The following CAPG variants were observed in gnomAD, a reference collection of about 807,000 sequenced individuals.
The protein encoded by CAPG is capping actin protein, gelsolin like, also known as macrophage-capping protein.
A neutral mutation model predicts 44.6 loss-of-function variants in CAPG; 32 were observed. The observed-to-expected ratio is 0.72, with a 90% confidence interval of 0.54 to 0.96. CAPG has a LOEUF of 0.96. CAPG is among the 50% of genes least tolerant of loss of function. The pLI, the probability that CAPG is intolerant of heterozygous loss-of-function variation, is 0.00. For synonymous variants in CAPG, 175 were observed against 179.6 expected (o/e 0.97, Z 0.20); for missense variants, 412 against 438.3 (o/e 0.94, Z 0.54).
In CAPG at chr2:85,395,195, G is replaced by A. The variant is rs1558728053; in HGVS notation, c.982-237C>T. Among the ~76,000 whole-genome samples, 1 of 152,116 alleles carries A rather than the reference G, an allele frequency of 6.6e-6. No homozygotes were observed. The highest frequency in any genetic ancestry group is 1.5e-5 in the Non-Finnish European group (1 of 68,012). On this transcript the variant is annotated intron_variant, in intron 9 of 9. Transcript: ENST00000263867. This position sits in a 1 kb window ranked among gnomAD's most constrained non-coding sequence, Gnocchi z 4.3. ...GGCGTGGGTGCACAGTTTAATAAAT[G>A]CCACCAACGGTAGCTGAGCCCTGTC...
At chr2:85,416,694 A>G (rs1015104202) in intron 1 of CAPG, among the ~76,000 whole-genome samples, 6 of 152,058 alleles carry the variant, frequency 3.9e-5, no homozygotes, top group Non-Finnish European at 7.4e-5. Flanking sequence ...TTGTATTTTT[A>G]GTAGAGACAG....
Position 85,408,790 on chromosome 2 carries a change from A to G in CAPG, c.-14+1527T>C, listed in dbSNP as rs1253979222. ...ACAGAATCACAGATGTCAGCATTAGAAAGTGCTAAAGTTGAAGAGGGGAGC... is the reference window on the plus strand; with the variant it reads ...ACAGAATCACAGATGTCAGCATTAGGAAGTGCTAAAGTTGAAGAGGGGAGC... On this transcript the variant is annotated intron_variant, in intron 1 of 9. Coordinates refer to ENST00000263867, the MANE Select transcript of CAPG (RefSeq NM_001747.4). 4 of 152,234 alleles carry G rather than the reference A, an allele frequency of 2.6e-5. No individual in the cohort carries two copies. The East Asian group carries it at 7.7e-4, about 29-fold the overall frequency. 9.4% of individuals were successfully genotyped at this position (152,234 alleles called of 1,614,324 possible). A position where few individuals can be genotyped will look rare whatever the true frequency, so the allele number is the denominator to read the frequency against.
upstream of CAPG, chr2:85,413,378 G>C (rs913567174): frequency 1.3e-5 from 2 of 152,198 alleles, no homozygotes; most frequent in Non-Finnish European, 2.9e-5. Context: ...TCAGAAGTTC[G>C]AGACCAGCCT....
At chr2:85,410,942 C>T (rs1354583405), upstream of CAPG, among the ~76,000 whole-genome samples, 1 of 151,740 alleles carries the variant, frequency 6.6e-6, no homozygotes, top group East Asian at 1.9e-4. Context: ...CTAACCGCAG[C>T]CTTGAACTCC....
At chr2:85,392,804 G>A (rs1686433664), downstream of CAPG, among the ~76,000 whole-genome samples, 1 of 152,172 alleles carries the variant, frequency 6.6e-6, no homozygotes, top group African/African-American at 2.4e-5. Context: ...GAATTGCAGG[G>A]GAGAAAAGCT....
upstream of CAPG, chr2:85,410,424 C>T (rs1687370166): frequency 6.6e-6 from 1 of 152,400 alleles, no homozygotes; most frequent in Admixed American, 6.5e-5. Context: ...CAGCCCCACC[C>T]CTGGGCTCCT....
chr2:85,414,471 G>C (rs900270441), upstream of CAPG, among the ~76,000 whole-genome samples: 1 of 150,588 alleles, frequency 6.6e-6, no homozygotes, highest in Non-Finnish European at 1.5e-5. Context: ...ACTCTGTCGC[G>C]GCACCTGGAG....
upstream of CAPG, chr2:85,419,264 A>G (rs1573200116): frequency 6.6e-6 from 1 of 152,316 alleles, no homozygotes; most frequent in East Asian, 1.9e-4. Flanking sequence ...GGAGGCTGCC[A>G]GGAGGTAATA....
intron 1 of CAPG, among the ~76,000 whole-genome samples, chr2:85,416,745 C>T (rs1312485912): frequency 1.3e-5 from 2 of 152,190 alleles, no homozygotes; most frequent in Admixed American, 1.3e-4. Context: ...AACTCCTGAC[C>T]TCAGGTGATC....
chr2:85,395,493 G>T lies in CAPG; in HGVS notation c.981+45C>A. ...CCAATTTGAGGGGTCAGGGGCCACA[G>T]GAAGAGCCCTAGGAAGAGGGCTGTG... On this transcript the variant is annotated intron_variant, in intron 9 of 9. Transcript: ENST00000263867. This position sits in a 1 kb window ranked among gnomAD's most constrained non-coding sequence, Gnocchi z 4.3. 6.6e-7 allele frequency: 1 copy of T among 1,524,082 alleles called. No homozygotes were observed. The highest frequency in any genetic ancestry group is 2.3e-5 in the East Asian group (1 of 44,128). 94.4% of individuals were successfully genotyped at this position (1,524,082 alleles called of 1,614,324 possible). A position where few individuals can be genotyped will look rare whatever the true frequency, so the allele number is the denominator to read the frequency against.
intron 8 of CAPG, 49 bp downstream of exon 8, chr2:85,397,971 G>A: frequency 3.1e-6 from 5 of 1,589,430 alleles, no homozygotes; most frequent in Non-Finnish European, 4.3e-6. Flanking sequence ...AGCCTGCCCG[G>A]GTCAGAGCAG....
downstream of CAPG, among the ~76,000 whole-genome samples, chr2:85,394,538 C>T (rs1164456665): frequency 2.0e-5 from 3 of 152,356 alleles, no homozygotes; most frequent in South Asian, 4.1e-4. Flanking sequence ...ACTGAACACC[C>T]GGATGCAACT....
At chr2:85,401,354 G>C (rs376252140) in intron 4 of CAPG, 25 bp from the exon 5 acceptor site, 8 of 1,610,382 alleles carry the variant, frequency 5.0e-6, no homozygotes, top group African/African-American at 2.7e-5. Context: ...GCCCATCTGA[G>C]TGGACTGACA....
upstream of CAPG, among the ~76,000 whole-genome samples, chr2:85,412,146 A>G (rs1162443759): frequency 6.6e-6 from 1 of 152,176 alleles, no homozygotes; most frequent in Non-Finnish European, 1.5e-5. Context: ...GGGAAGTTAA[A>G]TCTTCTCCCC....
At chr2:85,398,218 G>T (rs1686700096) in intron 7 of CAPG, 66 bp from the exon 8 acceptor site, 1 of 1,564,874 alleles carries the variant, frequency 6.4e-7, no homozygotes, top group Non-Finnish European at 8.7e-7. Flanking sequence ...GCCTGAGGAG[G>T]GGGAGGCTGG....
chr2:85,404,546 C>T (rs998914027), intron 1 of CAPG, among the ~76,000 whole-genome samples: 6 of 151,914 alleles, frequency 3.9e-5, no homozygotes, highest in Admixed American at 1.3e-4. Context: ...GTCAGGAGTT[C>T]GAGACCAGCC....
intron 1 of CAPG, 21 bp from the exon 2 acceptor site, chr2:85,402,179 A>G (rs1432945154): frequency 4.4e-6 from 7 of 1,580,052 alleles, no homozygotes; most frequent in South Asian, 3.4e-5. Context: ...AGAAGAAGCC[A>G]TTATTATTAC....
In CAPG at chr2:85,405,996, G is replaced by A. The variant is rs528356675; in HGVS notation, c.-13-3838C>T. Among the ~76,000 whole-genome samples, 3 of 152,300 alleles carry A rather than the reference G, an allele frequency of 2.0e-5. No individual in the cohort carries two copies. In the South Asian group the frequency reaches 6.2e-4, roughly 32 times the overall value. ...CCTACATGCCAGAGAGCCACATCAG[G>A]GTTTGGATGAAAGGGGTTTGGCAGG... On this transcript the variant is annotated intron_variant, in intron 1 of 9. Transcript: ENST00000263867.
chr2:85,415,172 G>C (rs1687523913), upstream of CAPG, among the ~76,000 whole-genome samples: 1 of 152,168 alleles, frequency 6.6e-6, no homozygotes, highest in Non-Finnish European at 1.5e-5. Context: ...TCACTCTGCA[G>C]ACTCAGCTTA....
Sources: allele counts gnomAD v4.1 joint callset (sites outside exome capture counted in the v4.1 genomes callset), GRCh38; gene constraint gnomAD v4.1.1; non-coding constraint Gnocchi (gnomAD v3.1); transcripts MANE v1.5; gene names NCBI Gene and HGNC (gene_info 2026-07-23, HGNC 2026-07-21).